Variants in PCDHGB7 observed in about 807,000 individuals in gnomAD.
PCDHGB7 encodes protocadherin gamma subfamily B, 7.
PCDHGB7 carries 37 observed loss-of-function variants against 61.4 expected under a neutral mutation model. That is an observed-to-expected ratio of 0.60 (90% CI 0.46 to 0.79). The LOEUF is 0.79. PCDHGB7 is among the 30% of genes least tolerant of loss of function. PCDHGB7 has a pLI of 0.00. For missense variants in PCDHGB7, 1,166 were observed against 1,202.5 expected, an observed-to-expected ratio of 0.97 and a Z score of 0.45; for synonymous variants, 464 against 503.5, an observed-to-expected ratio of 0.92 and a Z score of 1.05.
intron 3 of PCDHGB7, among the ~76,000 whole-genome samples, chr5:141,510,591 A>G (rs1050708244): frequency 6.6e-6 from 1 of 152,176 alleles, no homozygotes; most frequent in Non-Finnish European, 1.5e-5. Flanking sequence ...TACCTGACAT[A>G]CATTTTCTTA....
At chr5:141,423,660 G>A (rs765304048) in intron 1 of PCDHGB7, 1 of 1,560,482 alleles carries the variant, frequency 6.4e-7, no homozygotes, top group Admixed American at 1.9e-5. Flanking sequence ...CAAGTAATCA[G>A]GTGAGATTTA....
intron 1 of PCDHGB7, among the ~76,000 whole-genome samples, chr5:141,464,885 G>T (rs1592925315): frequency 6.6e-6 from 1 of 152,020 alleles, no homozygotes; most frequent in East Asian, 1.9e-4. Flanking sequence ...ACTACAGATG[G>T]ATGCCACCAT....
intron 3 of PCDHGB7, among the ~76,000 whole-genome samples, chr5:141,509,801 T>C (rs556629445): frequency 2.6e-5 from 4 of 152,140 alleles, no homozygotes; most frequent in South Asian, 2.1e-4. Flanking sequence ...CTCAGCTTCA[T>C]AGAGCCGAGC....
intron 1 of PCDHGB7, among the ~76,000 whole-genome samples, chr5:141,462,069 C>T (rs555164288): frequency 4.3e-4 from 65 of 151,850 alleles, no homozygotes; most frequent in Non-Finnish European, 7.5e-4. Context: ...GTGATCTGCC[C>T]GCCTTGGCCT....
chr5:141,421,255 C>T lies in PCDHGB7; in HGVS notation c.2415+981C>T, dbSNP rs759899934. On this transcript the variant is annotated intron_variant, in intron 1 of 3. Coordinates refer to ENST00000398594, the MANE Select transcript of PCDHGB7 (RefSeq NM_018927.4). ...GGCGAATCGGCTACAGCGCGGGGAC[C>T]GCAGTCGGCTGCTGCTGCTGCTGTG... 5.2e-5 allele frequency: 84 copies of T among 1,607,644 alleles called. No individual in the cohort carries two copies. Among genetic ancestry groups the T allele is most frequent in the Non-Finnish European group, 6.8e-5 (80 of 1,177,916 alleles).
Position 141,485,943 on chromosome 5 carries a change from C to CG in PCDHGB7, c.2416-8861dup, listed in dbSNP as rs1562109052. ...ATTAGTGTGTTGGAGAGCGCACCAG[C>CG]GGGCATGGTGCTCATCCAGCTCAAT... On this transcript the variant is annotated intron_variant, in intron 1 of 3. Coordinates refer to ENST00000398594, the MANE Select transcript of PCDHGB7 (RefSeq NM_018927.4). The surrounding 1 kb of genome is among the most constrained non-coding windows in gnomAD (Gnocchi z 5.7). The CG allele has an allele frequency of 1.2e-6, 2 of 1,614,126 alleles. No individual in the cohort carries two copies. Among genetic ancestry groups the CG allele is most frequent in the Non-Finnish European group, 1.7e-6 (2 of 1,180,012 alleles).
intron 1 of PCDHGB7, among the ~76,000 whole-genome samples, chr5:141,420,581 C>T (rs1024544346): frequency 2.6e-5 from 4 of 151,994 alleles, no homozygotes; most frequent in Admixed American, 6.5e-5. Flanking sequence ...TAATTGAAAC[C>T]CTGATGCTAC....
chr5:141,483,009 C>T (rs538900128), intron 1 of PCDHGB7, among the ~76,000 whole-genome samples: 4 of 151,942 alleles, frequency 2.6e-5, no homozygotes, highest in Non-Finnish European at 5.9e-5. Flanking sequence ...TGCTTGAACC[C>T]GGGAGGCAGA....
At chr5:141,427,901 G>T in intron 1 of PCDHGB7, 1 of 1,572,232 alleles carries the variant, frequency 6.4e-7, no homozygotes. Flanking sequence ...GCTCGCCCGC[G>T]CTCAGCGCCA....
chr5:141,485,497 T>C lies in PCDHGB7; in HGVS notation c.2416-9310T>C, dbSNP rs1594488328. On this transcript the variant is annotated intron_variant, in intron 1 of 3. Coordinates refer to ENST00000398594, the MANE Select transcript of PCDHGB7 (RefSeq NM_018927.4). The surrounding 1 kb of genome is among the most constrained non-coding windows in gnomAD (Gnocchi z 5.7). ...CCAGCTGCATCGTGCCCCTGGAGTT[T>C]GTCACCGAAGGTCCTTTGGAAATGT... 6.2e-7 allele frequency: 1 copy of C among 1,614,112 alleles called. No homozygotes were observed. The highest frequency in any genetic ancestry group is 1.3e-5 in the African/African-American group (1 of 74,998).
At chr5:141,421,387 G>A in intron 1 of PCDHGB7, 3 of 1,614,054 alleles carry the variant, frequency 1.9e-6, no homozygotes, top group Non-Finnish European at 2.5e-6. Context: ...CAAGGACCTG[G>A]GGCTGGAGCC....
At chr5:141,495,010 G>T (rs1327870362) in intron 2 of PCDHGB7, 145 bp downstream of exon 2, 1 of 1,516,970 alleles carries the variant, frequency 6.6e-7, no homozygotes, top group Non-Finnish European at 8.9e-7. Flanking sequence ...GTGTGCGGGG[G>T]GCTGGCACAC....
intron 1 of PCDHGB7, chr5:141,478,679 C>T (rs1247027395): frequency 3.2e-6 from 5 of 1,551,382 alleles, no homozygotes; most frequent in East Asian, 2.4e-5. Flanking sequence ...TCAACTGGCC[C>T]TTCCTAGATC....
At position 141,512,114 on chromosome 5, in the gene PCDHGB7, C is replaced by T. The variant is rs2099884080; in HGVS notation, c.*941C>T. ...TAACTAGGCTGGACCCTTCCCACTA[C>T]ATAATAGGGCTCAGCCCAGGCAGCC... On this transcript the variant is annotated 3_prime_UTR_variant, in exon 4 of 4. Coordinates refer to ENST00000398594, the MANE Select transcript of PCDHGB7 (RefSeq NM_018927.4). 2 of 152,696 alleles carry T rather than the reference C, an allele frequency of 1.3e-5. No homozygotes were observed. Among genetic ancestry groups the T allele is most frequent in the African/African-American group, 4.8e-5 (2 of 41,468 alleles). 9.5% of individuals were successfully genotyped at this position (152,696 alleles called of 1,614,324 possible).
Position 141,432,061 on chromosome 5 carries a change from G to A in PCDHGB7, c.2415+11787G>A. 1 of 1,614,130 alleles carries A rather than the reference G, an allele frequency of 6.2e-7. No homozygotes were observed. The highest frequency in any genetic ancestry group is 8.5e-7 in the Non-Finnish European group (1 of 1,180,034). ...ACCGGGGAACCCCGCCCCTATCCAC[G>A]GAAACTCATATCTCGCTGAACGTGG... On this transcript the variant is annotated intron_variant, in intron 1 of 3. Coordinates refer to ENST00000398594, the MANE Select transcript of PCDHGB7 (RefSeq NM_018927.4). The surrounding 1 kb of genome is among the most constrained non-coding windows in gnomAD (Gnocchi z 6.0).
chr5:141,476,837 G>A lies in PCDHGB7; in HGVS notation c.2416-17970G>A, dbSNP rs1160244271. 4 of 1,613,534 alleles carry A rather than the reference G, an allele frequency of 2.5e-6. No individual in the cohort carries two copies. The highest frequency in any genetic ancestry group is 3.4e-6 in the Non-Finnish European group (4 of 1,180,054). On this transcript the variant is annotated intron_variant, in intron 1 of 3. Coordinates refer to ENST00000398594, the MANE Select transcript of PCDHGB7 (RefSeq NM_018927.4). The surrounding 1 kb of genome is among the most constrained non-coding windows in gnomAD (Gnocchi z 7.6). Reference sequence around the variant, plus strand: ...CAAGGTGCTGGACGCGAATGACAATGCGCCTGTCTTCAACCAGTCCTTGTA... The same window carrying A: ...CAAGGTGCTGGACGCGAATGACAATACGCCTGTCTTCAACCAGTCCTTGTA...
rs764070772 is a variant in PCDHGB7, at chr5:141,476,415, C to T, written c.2416-18392C>T. ...CTGGATCGAGAGGAGCTGTGTGGGACACTGCCCTCTTGCACTGTAACTCTG... is the reference window on the plus strand; with the variant it reads ...CTGGATCGAGAGGAGCTGTGTGGGATACTGCCCTCTTGCACTGTAACTCTG... On this transcript the variant is annotated intron_variant, in intron 1 of 3. Transcript: ENST00000398594. This position sits in a 1 kb window ranked among gnomAD's most constrained non-coding sequence, Gnocchi z 7.6. 2.5e-6 allele frequency: 4 copies of T among 1,614,098 alleles called. No homozygotes were observed. The South Asian group carries it at 4.4e-5, about 18-fold the overall frequency.
rs558972594 is a variant in PCDHGB7 at position 141,485,292 on chromosome 5, A to G, written c.2416-9515A>G. ...CGCTACCCGGTCCCAGAGGAGTCAC[A>G]GGAAGGGACTTTTGTAGGGAATGTC... On this transcript the variant is annotated intron_variant, in intron 1 of 3. Coordinates refer to ENST00000398594, the MANE Select transcript of PCDHGB7 (RefSeq NM_018927.4). The surrounding 1 kb of genome is among the most constrained non-coding windows in gnomAD (Gnocchi z 5.7). 1 of 1,614,120 alleles carries G rather than the reference A, an allele frequency of 6.2e-7. No individual in the cohort carries two copies. Among genetic ancestry groups the G allele is most frequent in the African/African-American group, 1.3e-5 (1 of 75,058 alleles).
Position 141,417,997 on chromosome 5 carries a change from G to T in PCDHGB7, c.138G>T (p.Val46=). ...SIPEELAKGS[V]VGNLAKDLGL... ...CGGAGGAGCTGGCCAAGGGCTCGGT[G>T]GTGGGGAACCTCGCTAAGGATCTAG... The change falls in exon 1 of 4, where the codon GTG becomes GTT. Residue 46 remains valine, a synonymous_variant. Transcript: ENST00000398594. The T allele has an allele frequency of 6.2e-7, 1 of 1,613,872 alleles. No individual in the cohort carries two copies. The highest frequency in any genetic ancestry group is 8.5e-7 in the Non-Finnish European group (1 of 1,179,742).
Sources: gnomAD v4.1 joint callset for allele counts (sites outside exome capture counted in the v4.1 genomes callset) on GRCh38, gnomAD v4.1.1 for gene constraint, Gnocchi (gnomAD v3.1) non-coding constraint, MANE v1.5 for transcripts, NCBI Gene and HGNC (gene_info 2026-07-23, HGNC 2026-07-21) for gene names.